The following TNRC6C variants were observed in gnomAD, a reference collection of about 807,000 sequenced individuals.
The protein encoded by TNRC6C is trinucleotide repeat-containing gene 6C protein.
Under a neutral mutation model 153.7 loss-of-function variants are expected in TNRC6C, and 20 were observed. That is an observed-to-expected ratio of 0.13 (90% confidence interval 0.09 to 0.19). TNRC6C has a LOEUF of 0.19. Ranked by LOEUF, TNRC6C falls within the 10% of genes least tolerant of loss-of-function variation. The pLI is 1.00. For missense variants in TNRC6C, 1,987 were observed against 2,172.0 expected (o/e 0.91, Z 1.69); for synonymous variants, 811 against 841.4 (o/e 0.96, Z 0.63).
intron 1 of TNRC6C, among the ~76,000 whole-genome samples, chr17:77,982,027 A>T (rs1423785042): frequency 1.3e-5 from 2 of 152,190 alleles, no homozygotes; most frequent in African/African-American, 4.8e-5. Context: ...TGGAACCCTC[A>T]CAAATGGGAT....
At chr17:78,036,561 T>C (rs2072181899) in intron 2 of TNRC6C, among the ~76,000 whole-genome samples, 1 of 152,156 alleles carries the variant, frequency 6.6e-6, no homozygotes, top group Non-Finnish European at 1.5e-5. Flanking sequence ...CGTTTTTAGC[T>C]GTGTAAGAAT....
At chr17:78,003,780 A>AT (rs2071450294), upstream of TNRC6C, among the ~76,000 whole-genome samples, 1 of 152,176 alleles carries the variant, frequency 6.6e-6, no homozygotes, top group South Asian at 2.1e-4. Context: ...AAAATAAAGC[A>AT]TGGCCAGGCT....
intron 1 of TNRC6C, among the ~76,000 whole-genome samples, chr17:77,966,984 A>G (rs2070901884): frequency 6.6e-6 from 1 of 152,212 alleles, no homozygotes; most frequent in Admixed American, 6.5e-5. Flanking sequence ...GAATTTTTAA[A>G]TTTTAGGTAA....
intron 2 of TNRC6C, among the ~76,000 whole-genome samples, chr17:78,039,472 A>T (rs1406028479): frequency 6.6e-6 from 1 of 152,230 alleles, no homozygotes; most frequent in Non-Finnish European, 1.5e-5. Context: ...AAGGTAACCA[A>T]GACTTCTAAT....
Position 78,086,344 on chromosome 17 carries a change from A to AAC in TNRC6C, c.3478-158_3478-157insCA, listed in dbSNP as rs1473253535. Among the ~76,000 whole-genome samples, 581 of 116,928 alleles carry AAC rather than the reference A, an allele frequency of 5.0e-3. 6 individuals carry two copies. The highest frequency in any genetic ancestry group is 0.01 in the South Asian group (37 of 3,532). 76.7% of individuals were successfully genotyped at this position (116,928 alleles called of 152,430 possible). ...GACTCCATCTAAAAAAAAAAAAAAA[A>AAC]AAAAAAAAAAAAAAAACAGTATGTG... On this transcript the variant is annotated intron_variant, in intron 11 of 19. Coordinates refer to ENST00000301624, the Ensembl canonical transcript of TNRC6C.
intron 11 of TNRC6C, among the ~76,000 whole-genome samples, chr17:78,084,357 GAC>G: frequency 6.7e-6 from 1 of 148,274 alleles, no homozygotes; most frequent in Non-Finnish European, 1.5e-5. Flanking sequence ...AACTCCAAAA[GAC>G]AGAACCATTG....
intron 17 of TNRC6C, among the ~76,000 whole-genome samples, chr17:78,100,805 C>T (rs1202201792): frequency 1.9e-5 from 2 of 106,296 alleles, no homozygotes; most frequent in Admixed American, 1.3e-4. Context: ...GATGGAGTTT[C>T]ACTCTTGTCA....
At chr17:78,072,067 G>A (rs149948650) in intron 6 of TNRC6C, among the ~76,000 whole-genome samples, 146 of 152,312 alleles carry the variant, frequency 9.6e-4, no homozygotes, top group Middle Eastern at 3.4e-3. Flanking sequence ...TTCAGTTACC[G>A]TAGATGCTTC....
At chr17:78,102,250 CAA>C (rs1267860090) in intron 17 of TNRC6C, among the ~76,000 whole-genome samples, 1 of 152,090 alleles carries the variant, frequency 6.6e-6, no homozygotes, top group Non-Finnish European at 1.5e-5. Flanking sequence ...TGGGAAGATC[CAA>C]AAAGTCAGAG....
At chr17:77,980,370 C>T (rs1422812265) in intron 1 of TNRC6C, among the ~76,000 whole-genome samples, 5 of 152,172 alleles carry the variant, frequency 3.3e-5, no homozygotes, top group Non-Finnish European at 7.3e-5. Flanking sequence ...TTTTCCTCGG[C>T]TCTCACTCTA....
chr17:77,997,318 A>G (rs766538888), intron 1 of TNRC6C, among the ~76,000 whole-genome samples: 8 of 152,152 alleles, frequency 5.3e-5, no homozygotes, highest in Non-Finnish European at 7.4e-5. Context: ...TGATTTTGTC[A>G]TACCTCTCTT....
At chr17:78,057,666 A>G (rs542901176) in intron 3 of TNRC6C, among the ~76,000 whole-genome samples, 2 of 152,272 alleles carry the variant, frequency 1.3e-5, no homozygotes, top group Non-Finnish European at 1.5e-5. Flanking sequence ...TGCTATTTTT[A>G]AAGTTGGTGT....
intron 1 of TNRC6C, among the ~76,000 whole-genome samples, chr17:77,979,882 A>G (rs1322151319): frequency 3.9e-5 from 6 of 152,248 alleles, no homozygotes; most frequent in Non-Finnish European, 5.9e-5. Context: ...CTACTTTGCA[A>G]AGAAATGGAA....
intron 11 of TNRC6C, among the ~76,000 whole-genome samples, chr17:78,086,259 G>A (rs2073281169): frequency 6.8e-6 from 1 of 147,784 alleles, no homozygotes; most frequent in African/African-American, 2.5e-5. Flanking sequence ...GAACCCGGGA[G>A]GCAGAGGTGG....
intron 1 of TNRC6C, among the ~76,000 whole-genome samples, chr17:77,983,546 A>G (rs1160856424): frequency 6.6e-6 from 1 of 152,190 alleles, no homozygotes; most frequent in African/African-American, 2.4e-5. Context: ...TCTGTTGAGG[A>G]GTCACATGTT....
intron 10 of TNRC6C, among the ~76,000 whole-genome samples, chr17:78,080,174 C>T (rs377135018): frequency 2.0e-5 from 3 of 152,172 alleles, no homozygotes; most frequent in Non-Finnish European, 4.4e-5. Flanking sequence ...TTGCCGGGCG[C>T]GGCGGCTCAC....
chr17:78,106,884 CAAAAAA>C (rs72217904), exon 20 of TNRC6C: 4 of 75,730 alleles, frequency 5.3e-5, no homozygotes, highest in African/African-American at 1.7e-4. Context: ...AAAAAAAATA[CAAAAAA>C]AAAAAAAAAA....
At chr17:78,086,114 G>A (rs959573023) in intron 11 of TNRC6C, among the ~76,000 whole-genome samples, 5 of 151,774 alleles carry the variant, frequency 3.3e-5, no homozygotes, top group African/African-American at 7.3e-5. Context: ...GGCAGATCAC[G>A]AAGTCAGTAG....
intron 1 of TNRC6C, among the ~76,000 whole-genome samples, chr17:77,997,143 G>A (rs1198428364): frequency 6.6e-6 from 1 of 152,210 alleles, no homozygotes; most frequent in East Asian, 1.9e-4. Flanking sequence ...CTTAAGAAGC[G>A]TGGTCAGTTC....
Sources: gnomAD v4.1 joint callset for allele counts (sites outside exome capture counted in the v4.1 genomes callset) on GRCh38, gnomAD v4.1.1 for gene constraint, MANE v1.5 for transcripts, NCBI Gene and HGNC (gene_info 2026-07-23, HGNC 2026-07-21) for gene names.